AGBL4: variants seen among roughly 807,000 people sequenced by gnomAD.
AGBL4 encodes AGBL carboxypeptidase 4, also known as cytosolic carboxypeptidase 6.
Under a neutral mutation model 66.4 loss-of-function variants are expected in AGBL4, and 58 were observed. The observed-to-expected ratio is 0.87, with a 90% CI of 0.71 to 1.09. The LOEUF (loss-of-function observed/expected upper bound fraction) is 1.09, where lower values mean the gene tolerates loss of function less well. Ranked by LOEUF, AGBL4 falls within the 50% of genes least tolerant of loss-of-function variation. The pLI is 0.00. For missense variants in AGBL4, 579 were observed against 631.0 expected, an observed-to-expected ratio of 0.92 and a Z score of 0.88; for synonymous variants, 234 against 222.9, an observed-to-expected ratio of 1.05 and a Z score of -0.44.
At chr1:48,553,415 G>C (rs1644277957) in intron 11 of AGBL4, among the ~76,000 whole-genome samples, 1 of 152,222 alleles carries the variant, frequency 6.6e-6, no homozygotes, top group Admixed American at 6.5e-5. Flanking sequence ...GAGTGGCGGA[G>C]AAGAGAGAAG....
At chr1:48,531,930 C>G (rs552750790), downstream of AGBL4, among the ~76,000 whole-genome samples, 1 of 152,058 alleles carries the variant, frequency 6.6e-6, no homozygotes, top group African/African-American at 2.4e-5. Context: ...ATTACAGGTG[C>G]GTGCCACCAC....
rs575891403 is a variant in AGBL4 at position 49,676,444 on chromosome 1, G to A, written c.282+20869C>T. 5.3e-5 allele frequency among the ~76,000 whole-genome samples: 8 copies of A among 152,068 alleles called. No homozygotes were observed. In the East Asian group the frequency reaches 1.5e-3, roughly 29 times the overall value. On this transcript the variant is annotated intron_variant, in intron 3 of 13. Coordinates refer to ENST00000371839, the MANE Select transcript of AGBL4 (RefSeq NM_032785.4). ...CTAAATACAACCCAAGTATTGATCT[G>A]GGGTAATATCATTTGGCATTGAAAA...
At chr1:49,845,072 C>G (rs1347870001) in intron 2 of AGBL4, 1 of 1,447,988 alleles carries the variant, frequency 6.9e-7, no homozygotes, top group Non-Finnish European at 9.5e-7. Context: ...AAAGAGAAAC[C>G]CTACAAATGT....
At chr1:48,597,199 A>C (rs1196836374) in intron 9 of AGBL4, among the ~76,000 whole-genome samples, 1 of 152,242 alleles carries the variant, frequency 6.6e-6, no homozygotes, top group Non-Finnish European at 1.5e-5. Context: ...ATTTAAAAAA[A>C]ATATCCTTCT....
At chr1:48,795,479 G>T (rs1934408) in intron 6 of AGBL4, among the ~76,000 whole-genome samples, 148,594 of 152,158 alleles carry the variant, frequency 0.98, 72,638 homozygotes, top group East Asian at 1. Flanking sequence ...TACATATAGT[G>T]GTAAGAATAA....
At position 49,179,874 on chromosome 1, in the gene AGBL4, C is replaced by T. The variant is rs538051047; in HGVS notation, c.377+65896G>A. Among the ~76,000 whole-genome samples, 339 of 152,138 alleles carry T rather than the reference C, an allele frequency of 2.2e-3. 2 individuals are homozygous for T. The highest frequency in any genetic ancestry group is 2.8e-3 in the Non-Finnish European group (193 of 67,962). On this transcript the variant is annotated intron_variant, in intron 4 of 13. Coordinates refer to ENST00000371839, the MANE Select transcript of AGBL4 (RefSeq NM_032785.4). ...CTCCTGCTGTATGACCTTCTTTGGA[C>T]AGTTACTTAACATCTTTATTTTTTT... is the stretch of plus-strand genomic sequence containing the variant.
chr1:49,350,289 C>G (rs1476573975), intron 3 of AGBL4, among the ~76,000 whole-genome samples: 2 of 149,932 alleles, frequency 1.3e-5, no homozygotes, highest in Non-Finnish European at 3.0e-5. Flanking sequence ...CTGCAAGCTC[C>G]GCCTCCCGGG....
At chr1:49,655,374 T>G (rs1646103377) in intron 3 of AGBL4, among the ~76,000 whole-genome samples, 1 of 152,328 alleles carries the variant, frequency 6.6e-6, no homozygotes, top group African/African-American at 2.4e-5. Context: ...TTAACATTTT[T>G]TCCTTCATTT....
intron 3 of AGBL4, among the ~76,000 whole-genome samples, chr1:49,491,391 G>T (rs974354835): frequency 6.6e-6 from 1 of 151,720 alleles, no homozygotes; most frequent in Non-Finnish European, 1.5e-5. Flanking sequence ...GAAAATAAGA[G>T]TTTGTTTTAA....
At chr1:48,989,061 C>G (rs1660404130) in intron 5 of AGBL4, among the ~76,000 whole-genome samples, 1 of 152,154 alleles carries the variant, frequency 6.6e-6, no homozygotes, top group African/African-American at 2.4e-5. Flanking sequence ...GCTCAGAGAA[C>G]AGCAAGGCAA....
chr1:48,602,814 C>A (rs1359909777), intron 9 of AGBL4, among the ~76,000 whole-genome samples: 1 of 152,154 alleles, frequency 6.6e-6, no homozygotes, highest in Non-Finnish European at 1.5e-5. Context: ...TCTCATCTTG[C>A]CCCTTTTCTC....
At chr1:49,626,668 C>G (rs1449859526) in intron 3 of AGBL4, among the ~76,000 whole-genome samples, 2 of 151,586 alleles carry the variant, frequency 1.3e-5, no homozygotes, top group African/African-American at 4.8e-5. Flanking sequence ...ATGTTGGTGA[C>G]TCAGCATTAT....
chr1:48,972,947 T>A (rs2148955160), intron 5 of AGBL4, among the ~76,000 whole-genome samples: 1 of 152,264 alleles, frequency 6.6e-6, no homozygotes, highest in East Asian at 1.9e-4. Flanking sequence ...ATGTAGGTAT[T>A]ACCAGGCTCA....
chr1:48,569,913 A>G (rs201220576), intron 11 of AGBL4, among the ~76,000 whole-genome samples: 1 of 152,294 alleles, frequency 6.6e-6, no homozygotes, highest in East Asian at 1.9e-4. Context: ...GTGGTCAATC[A>G]CTTACAATGA....
chr1:49,653,299 A>T lies in AGBL4; in HGVS notation c.282+44014T>A, dbSNP rs542204654. ...CAACAACATAAATGAAAAACACCCC[A>T]CAAAACCACATCCAAGGTCAGCATC... On this transcript the variant is annotated intron_variant, in intron 3 of 13. Coordinates refer to ENST00000371839, the MANE Select transcript of AGBL4 (RefSeq NM_032785.4). Among the ~76,000 whole-genome samples, 4 of 152,230 alleles carry T rather than the reference A, an allele frequency of 2.6e-5. No individual in the cohort carries two copies. The East Asian group carries it at 7.8e-4, about 30-fold the overall frequency.
At chr1:49,705,145 C>A (rs1474317982) in intron 2 of AGBL4, among the ~76,000 whole-genome samples, 1 of 152,048 alleles carries the variant, frequency 6.6e-6, no homozygotes, top group Non-Finnish European at 1.5e-5. Context: ...CCTTCACATC[C>A]CTTGTAAGTT....
chr1:49,707,239 T>C (rs571156657), intron 2 of AGBL4, among the ~76,000 whole-genome samples: 8 of 152,266 alleles, frequency 5.3e-5, no homozygotes, highest in Non-Finnish European at 1.0e-4. Context: ...ATTGGATGCA[T>C]ATATATTTAG....
At chr1:49,631,103 C>T (rs1017777962) in intron 3 of AGBL4, among the ~76,000 whole-genome samples, 2 of 152,152 alleles carry the variant, frequency 1.3e-5, no homozygotes, top group Admixed American at 6.5e-5. Flanking sequence ...TGTGCATGTT[C>T]AGAGGGATCT....
intron 5 of AGBL4, among the ~76,000 whole-genome samples, chr1:48,870,490 A>T (rs1336117338): frequency 1.3e-5 from 2 of 152,168 alleles, no homozygotes; most frequent in Non-Finnish European, 2.9e-5. Context: ...TGCCTCTGCA[A>T]TGACCCTGTT....
Sources: gnomAD v4.1 joint callset for allele counts (sites outside exome capture counted in the v4.1 genomes callset) on GRCh38, gnomAD v4.1.1 for gene constraint, MANE v1.5 for transcripts, NCBI Gene and HGNC (gene_info 2026-07-23, HGNC 2026-07-21) for gene names.